DIAPH2: variants seen among roughly 807,000 people sequenced by gnomAD.
DIAPH2 encodes the protein protein diaphanous homolog 2.
DIAPH2 carries 35 observed loss-of-function variants against 92.7 expected under a neutral mutation model. The observed-to-expected ratio is 0.38, with a 90% CI of 0.29 to 0.50. DIAPH2 has a LOEUF of 0.50. Among genes scored for constraint, DIAPH2 ranks in the 20% least tolerant of loss-of-function variants. The probability of loss-of-function intolerance (pLI) is 0.94; values close to 1 mark genes in which losing one functional copy is unlikely to be tolerated. For missense variants in DIAPH2, 701 were observed against 819.5 expected (o/e 0.86, Z 1.77); for synonymous variants, 301 against 280.4 (o/e 1.07, Z -0.73).
intron 22 of DIAPH2, among the ~76,000 whole-genome samples, chrX:97,149,429 T>C (rs2067268652): frequency 9.0e-6 from 1 of 111,020 alleles, no homozygotes; most frequent in African/African-American, 3.3e-5. Context: ...GGTTTGGATT[T>C]TTTTCATATA....
intron 26 of DIAPH2, among the ~76,000 whole-genome samples, chrX:97,569,540 T>C (rs1294309978): frequency 9.0e-6 from 1 of 111,712 alleles, no homozygotes; most frequent in Non-Finnish European, 1.9e-5. Context: ...AAATGTGTAC[T>C]TAAGGACTTT....
chrX:96,830,541 A>G (rs945432264), intron 4 of DIAPH2, among the ~76,000 whole-genome samples: 1 of 88,302 alleles, frequency 1.1e-5, no homozygotes, highest in Admixed American at 1.6e-4. Flanking sequence ...ACTGCACTCT[A>G]GCCTGGGCGA....
intron 12 of DIAPH2, among the ~76,000 whole-genome samples, chrX:96,941,342 G>A (rs1178564322): frequency 8.9e-6 from 1 of 112,137 alleles, no homozygotes; most frequent in African/African-American, 3.2e-5. Flanking sequence ...CAGTATGTGA[G>A]TGGTCATTTT....
In DIAPH2 at chrX:96,886,954, AACTGATAC is replaced by A. The variant is rs201958600; in HGVS notation, c.587+5242_587+5249del. On this transcript the variant is annotated intron_variant, in intron 5 of 26. Transcript: ENST00000324765. ...AGGCCAAACTGCTTTTGTCCCTGCA[AACTGATAC>A]ACTGAGATATGTACACCTGAATTTA... Among the ~76,000 whole-genome samples the A allele has an allele frequency of 3.8e-3, 423 of 110,104 alleles. 4 individuals carry two copies. Among genetic ancestry groups the A allele is most frequent in the African/African-American group, 0.014 (414 of 30,188 alleles).
Position 97,355,495 on chromosome X carries a change from A to G in DIAPH2, c.3009+7215A>G, listed in dbSNP as rs148373483. ...TAACAAAGTAGTGTCTTAATCAGTA[A>G]TGTAAATTCTGATATCTAGAATTTC... is the stretch of plus-strand genomic sequence containing the variant. On this transcript the variant is annotated intron_variant, in intron 24 of 26. Coordinates refer to ENST00000324765, the MANE Select transcript of DIAPH2 (RefSeq NM_006729.5). 2.7e-5 allele frequency among the ~76,000 whole-genome samples: 3 copies of G among 111,281 alleles called. No individual in the cohort carries two copies. In the East Asian group the frequency reaches 8.4e-4, roughly 31 times the overall value.
intron 24 of DIAPH2, among the ~76,000 whole-genome samples, chrX:97,367,534 A>G (rs2069392681): frequency 9.0e-6 from 1 of 110,893 alleles, no homozygotes; most frequent in South Asian, 3.9e-4. Context: ...TTACAGACCA[A>G]CTCTCTGCTG....
At chrX:97,156,531 T>G (rs766776761) in intron 22 of DIAPH2, among the ~76,000 whole-genome samples, 1 of 112,112 alleles carries the variant, frequency 8.9e-6, no homozygotes, top group Non-Finnish European at 1.9e-5. Flanking sequence ...CTGTCAAACC[T>G]TATTTTATAA....
intron 4 of DIAPH2, among the ~76,000 whole-genome samples, chrX:96,836,559 C>G (rs1243399950): frequency 9.6e-6 from 1 of 104,180 alleles, no homozygotes; most frequent in African/African-American, 3.5e-5. Context: ...TGACCTAGCC[C>G]GATTCATTAT....
chrX:97,111,710 C>T (rs2066981669), intron 20 of DIAPH2, among the ~76,000 whole-genome samples: 1 of 111,739 alleles, frequency 8.9e-6, no homozygotes, highest in Non-Finnish European at 1.9e-5. Flanking sequence ...CCATTAATCT[C>T]TCCTTCAACC....
chrX:96,889,918 G>A (rs561760873), intron 5 of DIAPH2, among the ~76,000 whole-genome samples: 1 of 112,351 alleles, frequency 8.9e-6, no homozygotes, highest in South Asian at 3.7e-4. Flanking sequence ...CATGCTGGAA[G>A]CAGATAATGT....
At chrX:97,157,703 C>T (rs761243429) in intron 22 of DIAPH2, among the ~76,000 whole-genome samples, 1 of 111,563 alleles carries the variant, frequency 9.0e-6, no homozygotes, top group Non-Finnish European at 1.9e-5. Flanking sequence ...TCCAAGAACC[C>T]TCTTTTGGGG....
At chrX:96,860,022 C>T (rs1041716238) in intron 4 of DIAPH2, among the ~76,000 whole-genome samples, 1 of 112,088 alleles carries the variant, frequency 8.9e-6, no homozygotes, top group African/African-American at 3.2e-5. Context: ...AGGAAATATA[C>T]ATTCCAATAC....
intron 25 of DIAPH2, among the ~76,000 whole-genome samples, chrX:97,388,751 A>G (rs911965730): frequency 3.6e-5 from 4 of 111,742 alleles, no homozygotes; most frequent in Non-Finnish European, 5.6e-5. Context: ...CTTAGAGTTG[A>G]AACTGAGATA....
chrX:97,233,048 G>A (rs906445254), intron 22 of DIAPH2, among the ~76,000 whole-genome samples: 2 of 112,059 alleles, frequency 1.8e-5, no homozygotes, highest in South Asian at 3.7e-4. Flanking sequence ...CAATTTATAC[G>A]TCTTTGTATT....
At chrX:97,482,845 G>A (rs774985770) in intron 26 of DIAPH2, among the ~76,000 whole-genome samples, 30 of 111,612 alleles carry the variant, frequency 2.7e-4, no homozygotes, top group Non-Finnish European at 4.7e-4. Context: ...AAGAAGAAAA[G>A]GTGGGAATGA....
intron 21 of DIAPH2, among the ~76,000 whole-genome samples, chrX:97,122,017 G>A (rs1391175049): frequency 8.9e-6 from 1 of 111,834 alleles, no homozygotes; most frequent in African/African-American, 3.2e-5. Context: ...GGTACAAGTT[G>A]GGGCTTACAT....
intron 4 of DIAPH2, among the ~76,000 whole-genome samples, chrX:96,861,168 G>A (rs1026851453): frequency 9.0e-6 from 1 of 111,260 alleles, no homozygotes. Flanking sequence ...TAAGATAGAA[G>A]GGCTGTGATA....
intron 26 of DIAPH2, among the ~76,000 whole-genome samples, chrX:97,439,350 G>A (rs1364013700): frequency 1.8e-5 from 2 of 110,746 alleles, no homozygotes; most frequent in Non-Finnish European, 3.8e-5. Context: ...CGAGGCAGGG[G>A]GATCACAAGG....
chrX:97,206,440 A>G (rs2067796752), intron 22 of DIAPH2, among the ~76,000 whole-genome samples: 1 of 112,359 alleles, frequency 8.9e-6, no homozygotes, highest in African/African-American at 3.2e-5. Context: ...TTATTTAAAT[A>G]TTGGAATGAT....
Sources: gnomAD v4.1 joint callset for allele counts (sites outside exome capture counted in the v4.1 genomes callset) on GRCh38, gnomAD v4.1.1 for gene constraint, MANE v1.5 for transcripts, NCBI Gene and HGNC (gene_info 2026-07-23, HGNC 2026-07-21) for gene names.